The following ATP8B4 variants were observed in gnomAD, a reference collection of about 807,000 sequenced individuals.
The protein encoded by ATP8B4 is ATPase phospholipid transporting 8B4 (putative), also known as probable phospholipid-transporting ATPase IM.
A neutral mutation model predicts 145.6 loss-of-function variants in ATP8B4; 133 were observed. That is an observed-to-expected ratio of 0.91 (90% confidence interval 0.79 to 1.05). The LOEUF (loss-of-function observed/expected upper bound fraction) is 1.05. Among genes scored for constraint, ATP8B4 ranks in the 50% least tolerant of loss-of-function variants. The probability of loss-of-function intolerance (pLI) is 0.00; values close to 1 mark genes in which losing one functional copy is unlikely to be tolerated. For missense variants in ATP8B4, 1,458 were observed against 1,425.2 expected (o/e 1.02, Z -0.37); for synonymous variants, 507 against 492.9 (o/e 1.03, Z -0.38).
At chr15:49,983,145 C>G (rs1299266911) in intron 10 of ATP8B4, among the ~76,000 whole-genome samples, 1 of 152,170 alleles carries the variant, frequency 6.6e-6, no homozygotes, top group East Asian at 1.9e-4. Context: ...AGCTTTGAGA[C>G]CAACAGTTTT....
intron 2 of ATP8B4, among the ~76,000 whole-genome samples, chr15:50,079,413 G>T (rs73400832): frequency 6.6e-6 from 1 of 152,048 alleles, no homozygotes; most frequent in African/African-American, 2.4e-5. Context: ...AAATGCCACA[G>T]AATAAAGGAA....
intron 15 of ATP8B4, among the ~76,000 whole-genome samples, chr15:49,931,906 G>C (rs2041292957): frequency 1.3e-5 from 2 of 151,852 alleles, no homozygotes; most frequent in South Asian, 2.1e-4. Flanking sequence ...ATTAATACTT[G>C]TTACCTGATA....
chr15:50,163,797 T>C, intron 1 of ATP8B4, among the ~76,000 whole-genome samples: 1 of 152,228 alleles, frequency 6.6e-6, no homozygotes, highest in Admixed American at 6.5e-5. Context: ...CTTAGAAATC[T>C]ACTTGGTACT....
At chr15:49,888,358 T>C (rs190946490) in intron 23 of ATP8B4, among the ~76,000 whole-genome samples, 5 of 152,300 alleles carry the variant, frequency 3.3e-5, no homozygotes, top group Non-Finnish European at 7.4e-5. Context: ...TGCTTTATTA[T>C]ACTGTTTGAC....
chr15:49,976,639 G>A (rs2045692263), intron 12 of ATP8B4, among the ~76,000 whole-genome samples: 1 of 152,118 alleles, frequency 6.6e-6, no homozygotes, highest in African/African-American at 2.4e-5. Flanking sequence ...AAACCAAAGT[G>A]AATGAAACAA....
At chr15:49,998,457 T>C (rs1329998222) in intron 8 of ATP8B4, among the ~76,000 whole-genome samples, 2 of 152,230 alleles carry the variant, frequency 1.3e-5, no homozygotes, top group South Asian at 2.1e-4. Context: ...CGGTATCTCA[T>C]TGTAGTTTAG....
chr15:49,938,211 T>TATAA (rs1430704559), intron 14 of ATP8B4, among the ~76,000 whole-genome samples: 21 of 152,292 alleles, frequency 1.4e-4, no homozygotes, highest in African/African-American at 4.8e-4. Flanking sequence ...ACAGGCCGTG[T>TATAA]AGAACTACCA....
chr15:50,059,947 C>A (rs909868572), intron 3 of ATP8B4, among the ~76,000 whole-genome samples: 2 of 152,170 alleles, frequency 1.3e-5, no homozygotes, highest in Admixed American at 6.6e-5. Context: ...GTTAATATTT[C>A]TTGGTATATA....
At chr15:50,172,473 G>A (rs905496528) in intron 1 of ATP8B4, among the ~76,000 whole-genome samples, 11 of 152,224 alleles carry the variant, frequency 7.2e-5, no homozygotes, top group East Asian at 1.9e-4. Flanking sequence ...GAGTGCAGCC[G>A]GCGTGATCTC....
rs1228230239 is a variant in ATP8B4, at chr15:49,904,406, C to A, written c.2142-3167G>T. Among the ~76,000 whole-genome samples the A allele has an allele frequency of 2.0e-5, 3 of 152,164 alleles. No individual in the cohort carries two copies. In the East Asian group the frequency reaches 5.8e-4, roughly 29 times the overall value. On this transcript the variant is annotated intron_variant, in intron 20 of 27. Transcript: ENST00000284509. ...ACCAGCCAGTCAGTTTGGCTAGTGCCCCAAGCAGTCAAAATAGATCATGAA... is the reference window on the plus strand; with the variant it reads ...ACCAGCCAGTCAGTTTGGCTAGTGCACCAAGCAGTCAAAATAGATCATGAA...
At chr15:49,987,607 A>G (rs1442601741) in intron 9 of ATP8B4, 58 bp from the exon 10 acceptor site, 4 of 1,538,816 alleles carry the variant, frequency 2.6e-6, no homozygotes, top group East Asian at 2.3e-5. Flanking sequence ...TTCTCTTCAG[A>G]AGCCCACAGC....
At chr15:50,069,329 C>T (rs970284411) in intron 3 of ATP8B4, among the ~76,000 whole-genome samples, 3 of 152,176 alleles carry the variant, frequency 2.0e-5, no homozygotes, top group Non-Finnish European at 4.4e-5. Context: ...TGCTTTTGAT[C>T]ATTTTTAAAC....
chr15:49,953,587 G>A (rs1222597259), intron 14 of ATP8B4, among the ~76,000 whole-genome samples: 1 of 152,188 alleles, frequency 6.6e-6, no homozygotes, highest in Non-Finnish European at 1.5e-5. Context: ...GCATCCTGGA[G>A]CTACAGAAAT....
intron 14 of ATP8B4, among the ~76,000 whole-genome samples, chr15:49,936,022 T>TA (rs2041706455): frequency 6.6e-6 from 1 of 152,194 alleles, no homozygotes. Flanking sequence ...TATAGAGGTT[T>TA]AAAACATTTG....
intron 23 of ATP8B4, among the ~76,000 whole-genome samples, chr15:49,891,615 T>C (rs1351254755): frequency 6.6e-6 from 1 of 152,196 alleles, no homozygotes; most frequent in East Asian, 1.9e-4. Flanking sequence ...TGCGAGCCAC[T>C]GCACCCAACT....
intron 16 of ATP8B4, among the ~76,000 whole-genome samples, chr15:49,929,442 GA>G (rs1309195867): frequency 6.6e-6 from 1 of 152,120 alleles, no homozygotes. Flanking sequence ...ATAGTTGTGA[GA>G]AAGAAAGTTC....
intron 1 of ATP8B4, chr15:50,113,145 G>C (rs552582668): frequency 6.6e-6 from 1 of 152,330 alleles, no homozygotes; most frequent in Non-Finnish European, 1.5e-5. Context: ...GACCCATGTA[G>C]GGGTGACCTT....
intron 12 of ATP8B4, among the ~76,000 whole-genome samples, chr15:49,973,913 T>C (rs1485012219): frequency 6.6e-6 from 1 of 152,196 alleles, no homozygotes; most frequent in African/African-American, 2.4e-5. Flanking sequence ...TCAAATTTTA[T>C]TGGCCAGTGA....
chr15:49,931,541 A>G (rs1370152472), intron 15 of ATP8B4, among the ~76,000 whole-genome samples: 1 of 152,010 alleles, frequency 6.6e-6, no homozygotes, highest in Non-Finnish European at 1.5e-5. Context: ...ATAGGAAAAC[A>G]TCCATTTCTG....
Sources: gnomAD v4.1 joint callset for allele counts (sites outside exome capture counted in the v4.1 genomes callset) on GRCh38, gnomAD v4.1.1 for gene constraint, MANE v1.5 for transcripts, NCBI Gene and HGNC (gene_info 2026-07-23, HGNC 2026-07-21) for gene names.